Variants in CALN1 observed in about 807,000 individuals in gnomAD.
CALN1 encodes the protein calcium-binding protein 8.
In CALN1, 17 loss-of-function variants were observed where a neutral mutation model predicts 30.6. That is an observed-to-expected ratio of 0.56 (90% CI 0.38 to 0.83). The LOEUF is 0.83. CALN1 is among the 40% of genes least tolerant of loss of function. The pLI, the probability that CALN1 is intolerant of heterozygous loss-of-function variation, is 0.00. For synonymous variants in CALN1, 156 were observed against 131.4 expected, an observed-to-expected ratio of 1.19 and a Z score of -1.28; for missense variants, 291 against 354.9, an observed-to-expected ratio of 0.82 and a Z score of 1.45.
At chr7:72,445,023 A>G (rs73366918) in intron 1 of CALN1, among the ~76,000 whole-genome samples, 2,423 of 151,272 alleles carry the variant, frequency 0.016, 67 homozygotes, top group African/African-American at 0.055. Flanking sequence ...ACCTGCGTAC[A>G]GCTTCTTGAA....
chr7:72,294,827 C>A (rs138331957), intron 2 of CALN1, among the ~76,000 whole-genome samples: 2 of 151,564 alleles, frequency 1.3e-5, no homozygotes, highest in African/African-American at 4.8e-5. Context: ...ACCCTATAAG[C>A]CTCTGATAAA....
chr7:72,325,136 CA>C (rs1484062960), intron 2 of CALN1, among the ~76,000 whole-genome samples: 1 of 151,796 alleles, frequency 6.6e-6, no homozygotes, highest in East Asian at 2.0e-4. Flanking sequence ...CCCGTCTCTA[CA>C]AAAAAATTTT....
At chr7:72,326,901 G>C (rs1368300935) in intron 2 of CALN1, among the ~76,000 whole-genome samples, 1 of 152,098 alleles carries the variant, frequency 6.6e-6, no homozygotes, top group African/African-American at 2.4e-5. Flanking sequence ...GCTAACCAAG[G>C]TTCCTCTTCT....
chr7:72,028,362 T>A (rs1459606381), intron 4 of CALN1, among the ~76,000 whole-genome samples: 7 of 152,096 alleles, frequency 4.6e-5, no homozygotes, highest in Admixed American at 4.6e-4. Flanking sequence ...CTGGGCCAAA[T>A]CATCACAGTA....
the CALN1 span, among the ~76,000 whole-genome samples, chr7:72,502,341 A>C: frequency 6.7e-6 from 1 of 149,912 alleles, no homozygotes; most frequent in Non-Finnish European, 1.5e-5. Context: ...TAAACATCTG[A>C]GCACTTTGAC....
intron 3 of CALN1, among the ~76,000 whole-genome samples, chr7:72,178,190 T>C (rs1341379625): frequency 1.3e-5 from 2 of 152,110 alleles, no homozygotes; most frequent in Non-Finnish European, 2.9e-5. Context: ...CTCTGAACAA[T>C]AGTGCTGTCA....
At chr7:72,076,570 C>T (rs576816563) in intron 4 of CALN1, among the ~76,000 whole-genome samples, 32 of 125,604 alleles carry the variant, frequency 2.5e-4, no homozygotes, top group Non-Finnish European at 4.8e-4. Flanking sequence ...TGCACTCTGG[C>T]CTGGGGAACA....
chr7:72,067,456 C>T (rs914433350), intron 4 of CALN1, among the ~76,000 whole-genome samples: 2 of 151,982 alleles, frequency 1.3e-5, no homozygotes, highest in African/African-American at 4.8e-5. Context: ...TGCTATGTTG[C>T]CCAGGCTGGT....
At chr7:71,979,072 G>A (rs563853376) in intron 5 of CALN1, among the ~76,000 whole-genome samples, 2 of 152,188 alleles carry the variant, frequency 1.3e-5, no homozygotes, top group African/African-American at 2.4e-5. Context: ...CAGGACTGAG[G>A]TCAGGCAAGC....
In CALN1 at chr7:71,905,428, TCTAAAGTCC is replaced by T. The variant is rs1584484667; in HGVS notation, c.502-94945_502-94937del. On this transcript the variant is annotated intron_variant, in intron 5 of 6. Transcript: ENST00000395275. ...ATCCCCCCTCCTACCCTCTAAAGTCTCTAAAGTCCATTATATCACTCAACTCAGGATTAT... is the reference window on the plus strand; with the variant it reads ...ATCCCCCCTCCTACCCTCTAAAGTCTATTATATCACTCAACTCAGGATTAT... Among the ~76,000 whole-genome samples the T allele has an allele frequency of 2.0e-5, 3 of 151,632 alleles. No homozygotes were observed. The East Asian group carries it at 5.9e-4, about 30-fold the overall frequency.
chr7:72,462,182 T>TATGTATG, the CALN1 span, among the ~76,000 whole-genome samples: 2,289 of 148,790 alleles, frequency 0.015, 60 homozygotes, highest in African/African-American at 0.051. Flanking sequence ...ATGTATGTAT[T>TATGTATG]TATTTATTTA....
At chr7:71,837,208 G>A (rs924701063) in intron 5 of CALN1, among the ~76,000 whole-genome samples, 1 of 139,664 alleles carries the variant, frequency 7.2e-6, no homozygotes, top group Non-Finnish European at 1.5e-5. Context: ...CTCCAGCCCG[G>A]GTGACAGGGC....
chr7:71,798,175 G>GA (rs1562788199), intron 6 of CALN1, among the ~76,000 whole-genome samples: 3 of 132,042 alleles, frequency 2.3e-5, no homozygotes, highest in South Asian at 2.5e-4. Flanking sequence ...GAGAGAGAGA[G>GA]ATGTTGCTTG....
chr7:72,283,490 C>T (rs930538881), intron 2 of CALN1, among the ~76,000 whole-genome samples: 60 of 151,564 alleles, frequency 4.0e-4, no homozygotes, highest in African/African-American at 1.3e-3. Flanking sequence ...AGCTATGATC[C>T]CACCACTGTA....
intron 5 of CALN1, among the ~76,000 whole-genome samples, chr7:71,936,570 G>C (rs953942586): frequency 3.9e-5 from 6 of 152,114 alleles, no homozygotes; most frequent in Non-Finnish European, 8.8e-5. Context: ...GATTCCATTT[G>C]TCTGGTATGG....
At chr7:71,939,500 G>A (rs1255580355) in intron 5 of CALN1, among the ~76,000 whole-genome samples, 1 of 151,798 alleles carries the variant, frequency 6.6e-6, no homozygotes, top group African/African-American at 2.4e-5. Flanking sequence ...TTGAACCTGG[G>A]AGGCAGAGGT....
At chr7:71,900,590 C>T (rs1793794207) in intron 5 of CALN1, among the ~76,000 whole-genome samples, 1 of 152,168 alleles carries the variant, frequency 6.6e-6, no homozygotes, top group African/African-American at 2.4e-5. Flanking sequence ...GGCACAATTA[C>T]TTGCAGGTGG....
intron 5 of CALN1, among the ~76,000 whole-genome samples, chr7:71,931,523 T>A (rs1197193853): frequency 2.6e-5 from 4 of 152,124 alleles, no homozygotes; most frequent in African/African-American, 9.7e-5. Context: ...TACTTTGGCC[T>A]CCCAAAGTGC....
At chr7:72,384,884 A>C (rs1049484038) in intron 2 of CALN1, among the ~76,000 whole-genome samples, 6 of 152,178 alleles carry the variant, frequency 3.9e-5, no homozygotes, top group Non-Finnish European at 7.3e-5. Context: ...ATTGGGAGAA[A>C]AATATTTGAG....
Sources: allele counts gnomAD v4.1 joint callset (sites outside exome capture counted in the v4.1 genomes callset), GRCh38; gene constraint gnomAD v4.1.1; transcripts MANE v1.5; gene names NCBI Gene and HGNC (gene_info 2026-07-23, HGNC 2026-07-21).